The following ZFPM1 variants were observed in gnomAD, a reference collection of about 807,000 sequenced individuals.
ZFPM1 encodes zinc finger protein, FOG family member 1.
Under a neutral mutation model 46.3 loss-of-function variants are expected in ZFPM1, and 28 were observed. The observed-to-expected ratio is 0.60, with a 90% CI of 0.45 to 0.83. The LOEUF is 0.83. Among genes scored for constraint, ZFPM1 ranks in the 40% least tolerant of loss-of-function variants. ZFPM1 has a pLI of 0.00. For missense variants in ZFPM1, 1,878 were observed against 1,432.4 expected (o/e 1.31, Z -5.02); for synonymous variants, 957 against 675.9 (o/e 1.42, Z -6.45).
In ZFPM1 at chr16:88,486,054, C is replaced by G; in HGVS notation, c.145+11C>G. 6.2e-7 allele frequency: 1 copy of G among 1,608,746 alleles called. No individual in the cohort carries two copies. The highest frequency in any genetic ancestry group is 8.5e-7 in the Non-Finnish European group (1 of 1,178,418). Reference sequence around the variant, plus strand: ...GCCCTCCCAGCGCAGGTGAGTCAGACTGAGCCCTCTCACCGCGCCTCCAGC... The same window carrying G: ...GCCCTCCCAGCGCAGGTGAGTCAGAGTGAGCCCTCTCACCGCGCCTCCAGC... On this transcript the variant is annotated intron_variant, in intron 2 of 9. Transcript: ENST00000319555.
At chr16:88,475,430 G>A (rs1341469903) in intron 1 of ZFPM1, among the ~76,000 whole-genome samples, 1 of 152,118 alleles carries the variant, frequency 6.6e-6, no homozygotes, top group African/African-American at 2.4e-5. Context: ...GCCAGCAAGG[G>A]GAGAGACCAG....
chr16:88,518,563 A>G (rs1911519987), intron 4 of ZFPM1, among the ~76,000 whole-genome samples: 1 of 144,796 alleles, frequency 6.9e-6, no homozygotes, highest in Admixed American at 6.9e-5. Flanking sequence ...GGATGGAAGG[A>G]TGGATAGTGG....
chr16:88,499,260 G>T (rs928161999), intron 3 of ZFPM1, among the ~76,000 whole-genome samples: 1 of 152,250 alleles, frequency 6.6e-6, no homozygotes, highest in African/African-American at 2.4e-5. Context: ...TCCCGAAATC[G>T]CAGGCAGAGC....
Position 88,469,861 on chromosome 16 carries a change from G to C in ZFPM1, c.41-16078G>C, listed in dbSNP as rs1908333596. ...GGCCAGGGCCCCACCCCCTAACGTG[G>C]GGTGCAGTGCCTCTCACGTGGTGAG... On this transcript the variant is annotated intron_variant, in intron 1 of 9. Coordinates refer to ENST00000319555, the MANE Select transcript of ZFPM1 (RefSeq NM_153813.3). This position sits in a 1 kb window ranked among gnomAD's most constrained non-coding sequence, Gnocchi z 4.3. Among the ~76,000 whole-genome samples the C allele has an allele frequency of 6.6e-6, 1 of 152,092 alleles. No individual in the cohort carries two copies. The highest frequency in any genetic ancestry group is 2.1e-4 in the South Asian group (1 of 4,830).
chr16:88,488,256 G>A (rs1471361158), intron 2 of ZFPM1, among the ~76,000 whole-genome samples: 1 of 152,114 alleles, frequency 6.6e-6, no homozygotes, highest in Non-Finnish European at 1.5e-5. Flanking sequence ...CGGGGAGCCA[G>A]GCTCCTTATC....
chr16:88,475,514 G>A (rs1435984060), intron 1 of ZFPM1, among the ~76,000 whole-genome samples: 2 of 55,400 alleles, frequency 3.6e-5, no homozygotes, highest in East Asian at 9.7e-4. Flanking sequence ...GCAGGGGTCC[G>A]GGGGGGGGAG....
chr16:88,488,893 C>A (rs34251187), intron 2 of ZFPM1, 138 bp from the exon 3 acceptor site: 568,064 of 1,329,792 alleles, frequency 0.43, 125,118 homozygotes, highest in African/African-American at 0.47. Flanking sequence ...AGTGAGAGCG[C>A]ACCAGGAGAT....
rs550801424 is a variant in ZFPM1 at position 88,536,413 on chromosome 16, C to G, written c.*1434C>G. On this transcript the variant is annotated 3_prime_UTR_variant, in exon 10 of 10. Coordinates refer to ENST00000319555, the MANE Select transcript of ZFPM1 (RefSeq NM_153813.3). ...GGTCTCAAACTCCTGACCTCCAGTG[C>G]TCCTGCAGCCTCAGCCTCCCAGAAC... 2.3e-4 allele frequency: 35 copies of G among 152,312 alleles called. No individual in the cohort carries two copies. Among genetic ancestry groups the G allele is most frequent in the African/African-American group, 7.7e-4 (32 of 41,562 alleles). 9.4% of individuals were successfully genotyped at this position (152,312 alleles called of 1,614,324 possible). A position where few individuals can be genotyped will look rare whatever the true frequency, so the allele number is the denominator to read the frequency against.
chr16:88,462,819 C>T (rs1241925862), intron 1 of ZFPM1, among the ~76,000 whole-genome samples: 1 of 147,972 alleles, frequency 6.8e-6, no homozygotes, highest in African/African-American at 2.4e-5. Flanking sequence ...ACTCAGCCAC[C>T]CTGAGCCTCA....
Position 88,536,376 on chromosome 16 carries a change from G to T in ZFPM1, c.*1397G>T, listed in dbSNP as rs746417493. 3.9e-5 allele frequency: 6 copies of T among 152,154 alleles called. No homozygotes were observed. Among genetic ancestry groups the T allele is most frequent in the African/African-American group, 7.2e-5 (3 of 41,414 alleles). The allele number at this position is 152,154 out of a possible 1,614,324, so 9.4% of individuals were successfully genotyped here. A position where few individuals can be genotyped will look rare whatever the true frequency, so the allele number is the denominator to read the frequency against. On this transcript the variant is annotated 3_prime_UTR_variant, in exon 10 of 10. Coordinates refer to ENST00000319555, the MANE Select transcript of ZFPM1 (RefSeq NM_153813.3). ...TTTTATAGAGACAGGGTCTTCCTGT[G>T]TTGCCCAAGATGGTCTCAAACTCCT... is the stretch of plus-strand genomic sequence containing the variant.
At chr16:88,504,571 G>A (rs748088036) in intron 3 of ZFPM1, among the ~76,000 whole-genome samples, 32 of 152,170 alleles carry the variant, frequency 2.1e-4, no homozygotes, top group Non-Finnish European at 4.0e-4. Context: ...GAGTGGCAGA[G>A]ACACCGCCCA....
chr16:88,535,241 A>G lies in ZFPM1; in HGVS notation c.*262A>G. ...TGTCACATCCAGCCCTGCTGTGTAC[A>G]CAGGCCACTGCGGCCCGGAGTGGCT... is the stretch of plus-strand genomic sequence containing the variant. On this transcript the variant is annotated 3_prime_UTR_variant, in exon 10 of 10. Transcript: ENST00000319555. 6.1e-6 allele frequency: 2 copies of G among 326,442 alleles called. No homozygotes were observed. The highest frequency in any genetic ancestry group is 9.8e-5 in the East Asian group (2 of 20,436). 20.2% of individuals were successfully genotyped at this position (326,442 alleles called of 1,614,324 possible). A position where few individuals can be genotyped will look rare whatever the true frequency, so the allele number is the denominator to read the frequency against.
At chr16:88,459,569 C>A (rs574211623) in intron 1 of ZFPM1, among the ~76,000 whole-genome samples, 1 of 125,896 alleles carries the variant, frequency 7.9e-6, no homozygotes, top group South Asian at 3.5e-4. Flanking sequence ...TCATTCCCCC[C>A]TCCTCTTCTT....
At chr16:88,533,039 G>C in intron 9 of ZFPM1, 104 bp downstream of exon 9, 1 of 1,515,518 alleles carries the variant, frequency 6.6e-7, no homozygotes, top group Non-Finnish European at 8.8e-7. Context: ...TTCAGCCTTC[G>C]CTCTAAACCA....
intron 4 of ZFPM1, among the ~76,000 whole-genome samples, chr16:88,517,486 G>GGATC (rs1911413696): frequency 6.8e-6 from 1 of 146,644 alleles, no homozygotes; most frequent in African/African-American, 2.6e-5. Context: ...GTGGATGGAT[G>GGATC]GATGGATGGA....
chr16:88,531,761 TA>T (rs754589665), intron 6 of ZFPM1, among the ~76,000 whole-genome samples: 6 of 152,234 alleles, frequency 3.9e-5, no homozygotes, highest in African/African-American at 1.4e-4. Context: ...AGGGGACCCA[TA>T]GGGGTTCACT....
In ZFPM1 at chr16:88,524,383, C is replaced by T. The variant is rs534095419; in HGVS notation, c.403-2431C>T. ...CCCCAGCAGAAGCCCCCATCGGAGC[C>T]GGCAGAGCCCCACAGCTGGCGTGCA... On this transcript the variant is annotated intron_variant, in intron 4 of 9. Coordinates refer to ENST00000319555, the MANE Select transcript of ZFPM1 (RefSeq NM_153813.3). Among the ~76,000 whole-genome samples, 6 of 152,340 alleles carry T rather than the reference C, an allele frequency of 3.9e-5. No homozygotes were observed. The East Asian group carries it at 5.8e-4, about 15-fold the overall frequency.
intron 2 of ZFPM1, among the ~76,000 whole-genome samples, chr16:88,488,531 C>A (rs1260864278): frequency 1.3e-5 from 2 of 152,040 alleles, no homozygotes; most frequent in Admixed American, 6.6e-5. Flanking sequence ...ATGTTAATCG[C>A]AGCCCTTATC....
intron 1 of ZFPM1, among the ~76,000 whole-genome samples, chr16:88,465,174 G>A (rs993761947): frequency 7.2e-5 from 11 of 152,200 alleles, no homozygotes; most frequent in African/African-American, 1.2e-4. Flanking sequence ...CACAGACCCC[G>A]TGTCCGGAGG....
Sources: allele counts gnomAD v4.1 joint callset (sites outside exome capture counted in the v4.1 genomes callset), GRCh38; gene constraint gnomAD v4.1.1; non-coding constraint Gnocchi (gnomAD v3.1); transcripts MANE v1.5; gene names NCBI Gene and HGNC (gene_info 2026-07-23, HGNC 2026-07-21).